MTUS2: variants seen among roughly 807,000 people sequenced by gnomAD.
MTUS2 encodes the protein microtubule associated scaffold protein 2, also known as microtubule-associated tumor suppressor candidate 2.
A neutral mutation model predicts 114.1 loss-of-function variants in MTUS2; 40 were observed. That is an observed-to-expected ratio of 0.35 (90% CI 0.27 to 0.46). The LOEUF is 0.46. Ranked by LOEUF, MTUS2 falls within the 20% of genes least tolerant of loss-of-function variation. MTUS2 has a pLI of 1.00. For missense variants in MTUS2, 1,679 were observed against 1,705.4 expected (o/e 0.98, Z 0.27); for synonymous variants, 688 against 672.0 (o/e 1.02, Z -0.37).
intron 1 of MTUS2, among the ~76,000 whole-genome samples, chr13:28,826,762 G>A (rs1371369491): frequency 1.3e-5 from 2 of 152,144 alleles, no homozygotes; most frequent in African/African-American, 4.8e-5. Flanking sequence ...TTCCCCAAAA[G>A]TACAATAGAG....
At position 29,025,641 on chromosome 13, in the gene MTUS2, G is replaced by A. The variant is rs1165619810; in HGVS notation, c.943G>A (p.Val315Ile). 3 of 1,614,056 alleles carry A rather than the reference G, an allele frequency of 1.9e-6. No individual in the cohort carries two copies. The highest frequency in any genetic ancestry group is 2.2e-5 in the East Asian group (1 of 44,880). Residue 315 changes from valine (V) to isoleucine (I), a missense_variant, in exon 3 of 16, where the codon GTT becomes ATT. By Grantham distance (29) the Val-to-Ile change is conservative. Transcript: ENST00000612955. Reference sequence around the variant, plus strand: ...AGAGGCCAAGCTGGATCTGAAATATGTTCCTCCCAGGAGAGTTGAACAGGA... The same window carrying A: ...AGAGGCCAAGCTGGATCTGAAATATATTCCTCCCAGGAGAGTTGAACAGGA... ...KGEAKLDLKY[V>I]PPRRVEQEGK...
intron 5 of MTUS2, among the ~76,000 whole-genome samples, chr13:29,139,875 A>G (rs1467360159): frequency 6.6e-6 from 1 of 152,104 alleles, no homozygotes; most frequent in Non-Finnish European, 1.5e-5. Flanking sequence ...AGGAATAACT[A>G]TCCTCCCCTT....
At chr13:29,275,069 G>A (rs972829257) in intron 5 of MTUS2, among the ~76,000 whole-genome samples, 13 of 152,202 alleles carry the variant, frequency 8.5e-5, no homozygotes, top group African/African-American at 1.7e-4. Flanking sequence ...ATACCAGACC[G>A]TTATCAGATA....
chr13:28,934,562 T>C (rs984504162), intron 2 of MTUS2, among the ~76,000 whole-genome samples: 1 of 152,226 alleles, frequency 6.6e-6, no homozygotes, highest in Non-Finnish European at 1.5e-5. Context: ...TCACTGTTGT[T>C]GCCCAGGCTG....
At chr13:29,112,935 A>G (rs1468169674) in intron 5 of MTUS2, among the ~76,000 whole-genome samples, 3 of 152,120 alleles carry the variant, frequency 2.0e-5, no homozygotes, top group Non-Finnish European at 4.4e-5. Context: ...GAGGCAGGTA[A>G]TGGTTCTTTG....
At chr13:29,102,464 C>T (rs529569975) in intron 5 of MTUS2, among the ~76,000 whole-genome samples, 5 of 152,250 alleles carry the variant, frequency 3.3e-5, no homozygotes, top group African/African-American at 9.6e-5. Context: ...ATTGCAGGTG[C>T]GCTTAGGACA....
At chr13:28,891,082 G>A (rs1368177376) in intron 2 of MTUS2, among the ~76,000 whole-genome samples, 3 of 152,232 alleles carry the variant, frequency 2.0e-5, no homozygotes, top group Non-Finnish European at 4.4e-5. Context: ...TGCCTTGCTT[G>A]TATAAGTCAG....
chr13:28,874,013 A>G (rs185210089), intron 2 of MTUS2, among the ~76,000 whole-genome samples: 5 of 152,224 alleles, frequency 3.3e-5, no homozygotes, highest in African/African-American at 9.6e-5. Context: ...GTTGGATGAG[A>G]TGAACTTAAT....
At chr13:29,095,288 G>A (rs533535924) in intron 4 of MTUS2, among the ~76,000 whole-genome samples, 1 of 152,164 alleles carries the variant, frequency 6.6e-6, no homozygotes, top group East Asian at 1.9e-4. Context: ...TATTTCTCCT[G>A]TCAATTCTGT....
intron 6 of MTUS2, among the ~76,000 whole-genome samples, chr13:29,286,678 C>CTATCTATCTATCTATATATA (rs143106222): frequency 2.7e-5 from 4 of 150,910 alleles, no homozygotes; most frequent in African/African-American, 4.9e-5. Flanking sequence ...GTCTGTCTAT[C>CTATCTATCTATCTATATATA]TATCTATCTA....
chr13:28,935,644 C>T (rs2138108547), intron 2 of MTUS2, among the ~76,000 whole-genome samples: 1 of 152,222 alleles, frequency 6.6e-6, no homozygotes, highest in African/African-American at 2.4e-5. Flanking sequence ...CCTTGAGTCT[C>T]CATGGATTAT....
chr13:29,166,915 T>A (rs997106350), intron 5 of MTUS2, among the ~76,000 whole-genome samples: 4 of 152,238 alleles, frequency 2.6e-5, no homozygotes, highest in Non-Finnish European at 5.9e-5. Context: ...AGTATGCTCC[T>A]ACTCATTCAG....
rs1432303861 is a variant in MTUS2 at position 29,203,559 on chromosome 13, TG to T, written c.2645-78144del. 7.4e-5 allele frequency among the ~76,000 whole-genome samples: 6 copies of T among 80,958 alleles called. No homozygotes were observed. In the South Asian group the frequency reaches 2.3e-3, roughly 31 times the overall value. The allele number at this position is 80,958 out of a possible 152,430, so 53.1% of individuals were successfully genotyped here. On this transcript the variant is annotated intron_variant, in intron 5 of 15. Coordinates refer to ENST00000612955, the MANE Select transcript of MTUS2 (RefSeq NM_001033602.4). ...TGATGTTCCAATTACCACTGGGGTA[TG>T]AAAAAAAAAAAAAAAAAAAACTCCT... is the stretch of plus-strand genomic sequence containing the variant.
At chr13:29,386,559 T>A (rs1872643395) in intron 8 of MTUS2, among the ~76,000 whole-genome samples, 1 of 152,210 alleles carries the variant, frequency 6.6e-6, no homozygotes, top group Non-Finnish European at 1.5e-5. Flanking sequence ...GTGGAAGACA[T>A]GCCTCAAGGA....
Position 29,496,899 on chromosome 13 carries a change from C to A in MTUS2, c.3580-339C>A, listed in dbSNP as rs1488228604. On this transcript the variant is annotated intron_variant, in intron 12 of 15. Transcript: ENST00000612955. The surrounding 1 kb of genome is among the most constrained non-coding windows in gnomAD (Gnocchi z 4.3). ...TCGCGGTCCTTCCCAAAGCCAGGGG[C>A]TAGGTGCCTCCTGGACAAGAGGCAC... Among the ~76,000 whole-genome samples the A allele has an allele frequency of 1.3e-5, 2 of 152,146 alleles. No homozygotes were observed. Among genetic ancestry groups the A allele is most frequent in the African/African-American group, 4.8e-5 (2 of 41,442 alleles).
At chr13:29,112,644 A>G (rs574586831) in intron 5 of MTUS2, among the ~76,000 whole-genome samples, 1 of 152,244 alleles carries the variant, frequency 6.6e-6, no homozygotes, top group Admixed American at 6.5e-5. Context: ...CTGAGGAGAA[A>G]GATCCAGTAA....
chr13:29,201,637 G>A (rs930175456), intron 5 of MTUS2, among the ~76,000 whole-genome samples: 1 of 152,174 alleles, frequency 6.6e-6, no homozygotes, highest in Non-Finnish European at 1.5e-5. Context: ...TGCTGTAGCT[G>A]GTAGTGGTTG....
At chr13:28,989,416 A>G (rs1029894094) in intron 2 of MTUS2, among the ~76,000 whole-genome samples, 7 of 152,240 alleles carry the variant, frequency 4.6e-5, no homozygotes, top group African/African-American at 1.7e-4. Flanking sequence ...CAGCTAAGAC[A>G]CTGAATACAA....
intron 3 of MTUS2, among the ~76,000 whole-genome samples, chr13:29,027,582 C>T (rs780273437): frequency 2.6e-5 from 4 of 152,072 alleles, no homozygotes; most frequent in Admixed American, 6.5e-5. Context: ...GATGAAGTCT[C>T]GCTCTGTCGC....
Sources: allele counts gnomAD v4.1 joint callset (sites outside exome capture counted in the v4.1 genomes callset), GRCh38; gene constraint gnomAD v4.1.1; non-coding constraint Gnocchi (gnomAD v3.1); transcripts MANE v1.5; gene names NCBI Gene and HGNC (gene_info 2026-07-23, HGNC 2026-07-21).